ANXA2: variants seen among roughly 807,000 people sequenced by gnomAD.
ANXA2 encodes the protein annexin II.
In ANXA2, 28 loss-of-function variants were observed where a neutral mutation model predicts 47.3. That is an observed-to-expected ratio of 0.59 (90% CI 0.44 to 0.81). The LOEUF is 0.81. Ranked by LOEUF, ANXA2 falls within the 40% of genes least tolerant of loss-of-function variation. The probability of loss-of-function intolerance (pLI) is 0.00; values close to 1 mark genes in which losing one functional copy is unlikely to be tolerated. For synonymous variants in ANXA2, 172 were observed against 155.5 expected (o/e 1.11, Z -0.79); for missense variants, 384 against 414.3 (o/e 0.93, Z 0.64).
chr15:60,380,493 C>CAA lies in ANXA2; in HGVS notation c.148+1847_148+1848dup, dbSNP rs538754910. Reference sequence around the variant, plus strand: ...GGCAAGAATGGTCATTTAAATGCACCAAAAAAAAAAAAAAAAGAAAAAAGA... The same window carrying CAA: ...GGCAAGAATGGTCATTTAAATGCACCAAAAAAAAAAAAAAAAAAGAAAAAAGA... On this transcript the variant is annotated intron_variant, in intron 3 of 12. Coordinates refer to ENST00000451270, the MANE Select transcript of ANXA2 (RefSeq NM_004039.3). 9.4e-3 allele frequency among the ~76,000 whole-genome samples: 846 copies of CAA among 90,092 alleles called. 8 individuals are homozygous for CAA. The highest frequency in any genetic ancestry group is 0.031 in the African/African-American group (798 of 25,822). The allele number at this position is 90,092 out of a possible 152,430, so 59.1% of individuals were successfully genotyped here. A position where few individuals can be genotyped will look rare whatever the true frequency, so the allele number is the denominator to read the frequency against.
intron 3 of ANXA2, among the ~76,000 whole-genome samples, chr15:60,377,096 A>G (rs1445860401): frequency 6.6e-6 from 1 of 152,228 alleles, no homozygotes; most frequent in Non-Finnish European, 1.5e-5. Flanking sequence ...CCAACTACTT[A>G]GTATTGTCTC....
intron 3 of ANXA2, among the ~76,000 whole-genome samples, chr15:60,376,119 C>G (rs1301686290): frequency 6.6e-6 from 1 of 152,006 alleles, no homozygotes; most frequent in South Asian, 2.1e-4. Context: ...GGCTCACACC[C>G]GTAATCCCAG....
rs1253228830 is a variant in ANXA2, at chr15:60,352,552, C to CA, written c.589-77dup. The CA allele has an allele frequency of 1.4e-5, 15 of 1,042,712 alleles. No homozygotes were observed. Among genetic ancestry groups the CA allele is most frequent in the African/African-American group, 3.2e-5 (2 of 62,028 alleles). The allele number at this position is 1,042,712 out of a possible 1,614,324, so 64.6% of individuals were successfully genotyped here. A position where few individuals can be genotyped will look rare whatever the true frequency, so the allele number is the denominator to read the frequency against. On this transcript the variant is annotated intron_variant, in intron 8 of 12. Coordinates refer to ENST00000451270, the MANE Select transcript of ANXA2 (RefSeq NM_004039.3). The surrounding 1 kb of genome is among the most constrained non-coding windows in gnomAD (Gnocchi z 4.2). Reference sequence around the variant, plus strand: ...CAAAAAAAATGTCATGCAAAAAAAACAAAAAAAGCTACACATTCAAAATGC... The same window carrying CA: ...CAAAAAAAATGTCATGCAAAAAAAACAAAAAAAAGCTACACATTCAAAATGC...
At chr15:60,371,260 C>T (rs546158664) in intron 3 of ANXA2, among the ~76,000 whole-genome samples, 3 of 152,264 alleles carry the variant, frequency 2.0e-5, no homozygotes, top group South Asian at 4.2e-4. Flanking sequence ...CCAGTCAGTC[C>T]GAAGCAATAG....
intron 7 of ANXA2, among the ~76,000 whole-genome samples, chr15:60,354,442 C>G (rs2062394320): frequency 6.6e-6 from 1 of 151,928 alleles, no homozygotes; most frequent in Non-Finnish European, 1.5e-5. Context: ...GAGATGGAGA[C>G]CAACCTGGCT....
chr15:60,391,561 T>C (rs997001337), intron 1 of ANXA2, among the ~76,000 whole-genome samples: 2 of 152,198 alleles, frequency 1.3e-5, no homozygotes, highest in African/African-American at 4.8e-5. Context: ...CTGGGGAACC[T>C]ATGAGCCAAA....
At chr15:60,381,114 A>G (rs1203358261) in intron 3 of ANXA2, among the ~76,000 whole-genome samples, 1 of 152,180 alleles carries the variant, frequency 6.6e-6, no homozygotes, top group East Asian at 1.9e-4. Context: ...AAGGTGCACT[A>G]TTAGTAAATA....
rs118078739 is a variant in ANXA2, at chr15:60,393,998, C to T, written c.-12+3945G>A. ...GACATTTCGAATGCAGTTCCAGTTC[C>T]GTGCATTCAGAGTTGGAGGCTTAAA... On this transcript the variant is annotated intron_variant, in intron 1 of 12. Coordinates refer to ENST00000451270, the MANE Select transcript of ANXA2 (RefSeq NM_004039.3). Among the ~76,000 whole-genome samples the T allele has an allele frequency of 6.6e-5, 10 of 152,278 alleles. No individual in the cohort carries two copies. The East Asian group carries it at 7.7e-4, about 12-fold the overall frequency.
intron 3 of ANXA2, among the ~76,000 whole-genome samples, chr15:60,382,049 G>A (rs1485152175): frequency 1.1e-4 from 11 of 104,610 alleles, no homozygotes; most frequent in African/African-American, 3.7e-4. Flanking sequence ...GGAAAGAAGG[G>A]AGGGGAGGGA....
intron 3 of ANXA2, among the ~76,000 whole-genome samples, chr15:60,381,410 G>C (rs2062856357): frequency 6.6e-6 from 1 of 152,156 alleles, no homozygotes; most frequent in South Asian, 2.1e-4. Context: ...CACCACGAGA[G>C]CTGCAATATT....
At chr15:60,386,382 C>A (rs2062933968) in intron 1 of ANXA2, 1 of 310,242 alleles carries the variant, frequency 3.2e-6, no homozygotes, top group South Asian at 4.9e-5. Context: ...ATGGCTAATG[C>A]AACCTGTTCA....
intron 4 of ANXA2, among the ~76,000 whole-genome samples, chr15:60,361,947 T>C (rs1297247268): frequency 6.6e-6 from 1 of 152,036 alleles, no homozygotes; most frequent in African/African-American, 2.4e-5. Context: ...TTCCTTGCTT[T>C]CTAAGAGCAC....
chr15:60,365,197 TG>T (rs2062578369), intron 3 of ANXA2, among the ~76,000 whole-genome samples: 2 of 151,904 alleles, frequency 1.3e-5, no homozygotes, highest in Non-Finnish European at 2.9e-5. Flanking sequence ...AAAGAGTAAG[TG>T]TTTTAATCTA....
At chr15:60,358,122 C>T (rs2062460712) in intron 5 of ANXA2, among the ~76,000 whole-genome samples, 1 of 152,170 alleles carries the variant, frequency 6.6e-6, no homozygotes. Flanking sequence ...TTAAAAATTT[C>T]ATTCTTGTCC....
Position 60,359,147 on chromosome 15 carries a change from T to A in ANXA2, c.357+1794A>T, listed in dbSNP as rs537076144. On this transcript the variant is annotated intron_variant, in intron 5 of 12. Coordinates refer to ENST00000451270, the MANE Select transcript of ANXA2 (RefSeq NM_004039.3). ...TATGGATTTTGGACGGGTATTCAAC[T>A]GTGATAGCTAATGGAAGAGCTGGCA... 4.6e-5 allele frequency among the ~76,000 whole-genome samples: 7 copies of A among 152,308 alleles called. No individual in the cohort carries two copies. In the South Asian group the frequency reaches 8.3e-4, roughly 18 times the overall value.
At chr15:60,366,103 G>C (rs1404252426) in intron 3 of ANXA2, among the ~76,000 whole-genome samples, 2 of 125,626 alleles carry the variant, frequency 1.6e-5, no homozygotes, top group Non-Finnish European at 3.3e-5. Flanking sequence ...CGCCAGCCTC[G>C]GCCTCCCGAG....
At chr15:60,387,600 G>A (rs1333522625) in intron 1 of ANXA2, among the ~76,000 whole-genome samples, 1 of 152,162 alleles carries the variant, frequency 6.6e-6, no homozygotes, top group East Asian at 1.9e-4. Context: ...GCAAAATTAT[G>A]GGGACAGCAA....
rs1895771786 is a variant in ANXA2, at chr15:60,347,503, G to A, written c.*127C>T. On this transcript the variant is annotated 3_prime_UTR_variant, in exon 13 of 13. Transcript: ENST00000451270. ...ATGCTTAGGCAACTAAAATGAGGTT[G>A]GGGGTAATGCTAACGTCACCCTCAC... 1.2e-6 allele frequency: 1 copy of A among 822,632 alleles called. No individual in the cohort carries two copies. 51.0% of individuals were successfully genotyped at this position (822,632 alleles called of 1,614,324 possible).
At chr15:60,394,198 G>A (rs1398836611) in intron 1 of ANXA2, among the ~76,000 whole-genome samples, 1 of 152,208 alleles carries the variant, frequency 6.6e-6, no homozygotes, top group Non-Finnish European at 1.5e-5. Context: ...GCAGCAAAGA[G>A]GCAGGATGTA....
Sources: allele counts gnomAD v4.1 joint callset (sites outside exome capture counted in the v4.1 genomes callset), GRCh38; gene constraint gnomAD v4.1.1; non-coding constraint Gnocchi (gnomAD v3.1); transcripts MANE v1.5; gene names NCBI Gene and HGNC (gene_info 2026-07-23, HGNC 2026-07-21).